Variants in GDPD5 observed in about 807,000 individuals in gnomAD.
GDPD5 encodes the protein glycerophosphodiester phosphodiesterase domain containing 5, also known as glycerophosphodiester phosphodiesterase 2.
GDPD5 carries 48 observed loss-of-function variants against 75.1 expected under a neutral mutation model. The ratio of observed to expected loss-of-function variants is 0.64; its 90% CI spans 0.51 to 0.81. The LOEUF (loss-of-function observed/expected upper bound fraction) is 0.81. Ranked by LOEUF, GDPD5 falls within the 40% of genes least tolerant of loss-of-function variation. The pLI is 0.00. For missense variants in GDPD5, 706 were observed against 822.6 expected (o/e 0.86, Z 1.73); for synonymous variants, 336 against 339.0 (o/e 0.99, Z 0.10).
chr11:75,440,151 C>T (rs941459151), intron 14 of GDPD5, among the ~76,000 whole-genome samples, 190 bp from the exon 15 acceptor site: 3 of 151,994 alleles, frequency 2.0e-5, no homozygotes, highest in African/African-American at 4.8e-5. Flanking sequence ...GCCTGGGGGC[C>T]GGGGCGTGTG....
chr11:75,441,824 G>T, intron 12 of GDPD5, 21 bp from the exon 13 acceptor site: 1 of 1,597,500 alleles, frequency 6.3e-7, no homozygotes. Context: ...AAGAGAGGCA[G>T]CCTCAGACTT....
At chr11:75,468,689 C>T (rs540908164) in intron 3 of GDPD5, among the ~76,000 whole-genome samples, 43 of 152,262 alleles carry the variant, frequency 2.8e-4, no homozygotes, top group African/African-American at 9.1e-4. Flanking sequence ...GCCCCCCCCC[C>T]GGGAGGTGGA....
intron 5 of GDPD5, 123 bp downstream of exon 5, chr11:75,457,570 A>G (rs1592086095): frequency 3.1e-6 from 2 of 654,260 alleles, no homozygotes; most frequent in East Asian, 5.4e-5. Context: ...TACAAATACA[A>G]TATTCCTACA....
chr11:75,524,783 C>T (rs1425342569), intron 1 of GDPD5, among the ~76,000 whole-genome samples: 2 of 152,116 alleles, frequency 1.3e-5, no homozygotes, highest in Non-Finnish European at 2.9e-5. Flanking sequence ...CCTTTCCTCG[C>T]GGGTGACATG....
At chr11:75,496,633 C>T (rs888768956) in intron 1 of GDPD5, among the ~76,000 whole-genome samples, 5 of 152,000 alleles carry the variant, frequency 3.3e-5, no homozygotes, top group African/African-American at 4.8e-5. Flanking sequence ...GGCACAGTGC[C>T]GAGGGCCCAT....
At chr11:75,512,960 T>C (rs568064739) in intron 1 of GDPD5, among the ~76,000 whole-genome samples, 1 of 152,270 alleles carries the variant, frequency 6.6e-6, no homozygotes, top group Non-Finnish European at 1.5e-5. Context: ...AAATGTTTCT[T>C]ACAGTTTATA....
chr11:75,499,194 A>T (rs1950261810), intron 1 of GDPD5, among the ~76,000 whole-genome samples: 1 of 151,314 alleles, frequency 6.6e-6, no homozygotes, highest in African/African-American at 2.4e-5. Flanking sequence ...CCTGTGAAAG[A>T]TCCCCATCTT....
At chr11:75,464,705 G>A (rs1321571240) in intron 3 of GDPD5, among the ~76,000 whole-genome samples, 1 of 152,156 alleles carries the variant, frequency 6.6e-6, no homozygotes, top group African/African-American at 2.4e-5. Flanking sequence ...GGAGGTGGTG[G>A]CTTCTCAGAG....
At chr11:75,467,176 G>C (rs1949534019) in intron 3 of GDPD5, among the ~76,000 whole-genome samples, 2 of 152,164 alleles carry the variant, frequency 1.3e-5, no homozygotes, top group South Asian at 4.1e-4. Context: ...AAAGAGCACG[G>C]GCTCTAAAGA....
intron 3 of GDPD5, among the ~76,000 whole-genome samples, chr11:75,477,177 A>AG (rs1949796877): frequency 6.6e-6 from 1 of 152,174 alleles, no homozygotes. Flanking sequence ...AGCTCTGGCA[A>AG]GCCTGTGGCT....
rs1941631990 is a variant in GDPD5, at chr11:75,525,525, C to T, written c.-460G>A. ...GGGCCTGGGGCCACACTGCGCTAGCCCTGGAGCTGGGGTTCCGACCCTCAC... is the reference window on the plus strand; with the variant it reads ...GGGCCTGGGGCCACACTGCGCTAGCTCTGGAGCTGGGGTTCCGACCCTCAC... On this transcript the variant is annotated 5_prime_UTR_variant, in exon 1 of 17. Transcript: ENST00000336898. The T allele has an allele frequency of 6.6e-6, 1 of 152,390 alleles. No individual in the cohort carries two copies. Among genetic ancestry groups the T allele is most frequent in the African/African-American group, 2.4e-5 (1 of 41,464 alleles). 9.4% of individuals were successfully genotyped at this position (152,390 alleles called of 1,614,324 possible). A position where few individuals can be genotyped will look rare whatever the true frequency, so the allele number is the denominator to read the frequency against.
chr11:75,442,919 T>G (rs745657886), intron 11 of GDPD5: 1 of 630,658 alleles, frequency 1.6e-6, no homozygotes, highest in Non-Finnish European at 2.8e-6. Flanking sequence ...CCTGTCAACC[T>G]TTTCTAGTGA....
chr11:75,459,787 G>A (rs1256536954), intron 4 of GDPD5, among the ~76,000 whole-genome samples: 2 of 148,380 alleles, frequency 1.3e-5, no homozygotes, highest in African/African-American at 2.5e-5. Flanking sequence ...TCCAGCCTGG[G>A]TGACAGAGCG....
At position 75,457,796 on chromosome 11, in the gene GDPD5, G is replaced by A. The variant is rs1444227696; in HGVS notation, c.222-10C>T. ...GCGGTTGTAGAGGTACCTGCCAGGA[G>A]GAGAGGGGGCAGGGGTCAGACCTCC... On this transcript the variant is annotated splice_polypyrimidine_tract_variant and intron_variant, in intron 4 of 16. Transcript: ENST00000336898. 1 of 1,610,926 alleles carries A rather than the reference G, an allele frequency of 6.2e-7. No individual in the cohort carries two copies. Among genetic ancestry groups the A allele is most frequent in the East Asian group, 2.2e-5 (1 of 44,852 alleles).
rs1346135774 is a variant in GDPD5, at chr11:75,525,647, C to A, written c.-582G>T. The A allele has an allele frequency of 2.0e-5, 3 of 151,576 alleles. No individual in the cohort carries two copies. Among genetic ancestry groups the A allele is most frequent in the Admixed American group, 6.6e-5 (1 of 15,220 alleles). 9.4% of individuals were successfully genotyped at this position (151,576 alleles called of 1,614,324 possible). ...GCAGCGGGTCAGGGCCGGGGCTCCG[C>A]GCGTCCCGGCCGCACGCCCCGAACC... On this transcript the variant is annotated 5_prime_UTR_variant, in exon 1 of 17. Coordinates refer to ENST00000336898, the MANE Select transcript of GDPD5 (RefSeq NM_030792.8).
chr11:75,505,778 T>C (rs1176092141), intron 1 of GDPD5, among the ~76,000 whole-genome samples: 1 of 152,212 alleles, frequency 6.6e-6, no homozygotes, highest in Admixed American at 6.5e-5. Flanking sequence ...ATATTTGTGA[T>C]AGGGCCATAA....
At chr11:75,500,613 A>C (rs1189005494) in intron 1 of GDPD5, among the ~76,000 whole-genome samples, 2 of 151,858 alleles carry the variant, frequency 1.3e-5, no homozygotes, top group East Asian at 1.9e-4. Context: ...TCAACCACCC[A>C]TCTCTGGCTG....
At chr11:75,441,577 T>C in intron 13 of GDPD5, 69 bp downstream of exon 13, 1 of 1,351,848 alleles carries the variant, frequency 7.4e-7, no homozygotes, top group Non-Finnish European at 1.0e-6. Flanking sequence ...TGTTGGGGGG[T>C]GGTGGTGGCA....
chr11:75,442,516 G>A lies in GDPD5; in HGVS notation c.1014C>T (p.Ser338=). ...PSDHREAQNQ[S]ICSLAELLEL... ...CCAGGAGCTCTGCCAGGCTGCAGAT[G>A]GACTGGTTCTGGGCCTCTCTGTGGT... Residue 338 remains serine, a synonymous_variant, in exon 12 of 17, where the codon TCC becomes TCT. Transcript: ENST00000336898. The A allele has an allele frequency of 1.9e-6, 3 of 1,614,164 alleles. No homozygotes were observed. Among genetic ancestry groups the A allele is most frequent in the Non-Finnish European group, 2.5e-6 (3 of 1,180,022 alleles).
Sources: gnomAD v4.1 joint callset for allele counts (sites outside exome capture counted in the v4.1 genomes callset) on GRCh38, gnomAD v4.1.1 for gene constraint, MANE v1.5 for transcripts, NCBI Gene and HGNC (gene_info 2026-07-23, HGNC 2026-07-21) for gene names.